TMCC1: variants seen among roughly 807,000 people sequenced by gnomAD.
TMCC1 encodes the protein transmembrane and coiled-coil domains protein 1.
Under a neutral mutation model 52.4 loss-of-function variants are expected in TMCC1, and 15 were observed. The observed-to-expected ratio is 0.29, with a 90% CI of 0.19 to 0.44. The LOEUF (loss-of-function observed/expected upper bound fraction) is 0.44, where lower values mean the gene tolerates loss of function less well. TMCC1 is among the 20% of genes least tolerant of loss of function. TMCC1 has a pLI of 1.00. For missense variants in TMCC1, 503 were observed against 806.0 expected (o/e 0.62, Z 4.55); for synonymous variants, 279 against 301.9 (o/e 0.92, Z 0.79).
intron 4 of TMCC1, among the ~76,000 whole-genome samples, chr3:129,748,409 T>A (rs1405828650): frequency 6.6e-6 from 1 of 152,160 alleles, no homozygotes; most frequent in Non-Finnish European, 1.5e-5. Context: ...TGGCTCAGCC[T>A]CCCAAGTAGC....
chr3:129,751,560 T>C (rs1471825315), intron 4 of TMCC1, among the ~76,000 whole-genome samples: 2 of 146,654 alleles, frequency 1.4e-5, no homozygotes, highest in African/African-American at 2.5e-5. Flanking sequence ...CTAAACACAA[T>C]AGTATCTTTT....
intron 4 of TMCC1, among the ~76,000 whole-genome samples, chr3:129,689,913 C>A (rs906385309): frequency 6.6e-6 from 1 of 152,194 alleles, no homozygotes; most frequent in African/African-American, 2.4e-5. Flanking sequence ...TGAGTAAATA[C>A]GTTTCTACAA....
intron 2 of TMCC1, among the ~76,000 whole-genome samples, chr3:129,871,765 A>G (rs1207848860): frequency 6.6e-6 from 1 of 152,250 alleles, no homozygotes; most frequent in Non-Finnish European, 1.5e-5. Flanking sequence ...TTGAAAAAAG[A>G]AAAAATGTGT....
intron 1 of TMCC1, among the ~76,000 whole-genome samples, chr3:129,892,900 C>A (rs751016317): frequency 6.6e-6 from 1 of 152,192 alleles, no homozygotes; most frequent in South Asian, 2.1e-4. Flanking sequence ...TAACAGGGGG[C>A]ATCCTGAGGC....
At chr3:129,742,739 C>T (rs769018709) in intron 4 of TMCC1, among the ~76,000 whole-genome samples, 3 of 152,022 alleles carry the variant, frequency 2.0e-5, no homozygotes, top group Non-Finnish European at 4.4e-5. Context: ...TTCATACTGT[C>T]CAAAAAGTAG....
At chr3:129,830,078 G>C in intron 3 of TMCC1, among the ~76,000 whole-genome samples, 1 of 152,206 alleles carries the variant, frequency 6.6e-6, no homozygotes, top group East Asian at 1.9e-4. Flanking sequence ...TTAGGCAAAT[G>C]AATAACAACC....
At chr3:129,695,096 C>CAAAAA (rs11291309) in intron 4 of TMCC1, among the ~76,000 whole-genome samples, 1,089 of 35,182 alleles carry the variant, frequency 0.031, 265 homozygotes, top group Non-Finnish European at 0.04. Context: ...GACTCTGTCT[C>CAAAAA]AAAAAAAAAA....
At chr3:129,787,028 C>T (rs1576842794) in intron 4 of TMCC1, among the ~76,000 whole-genome samples, 1 of 152,242 alleles carries the variant, frequency 6.6e-6, no homozygotes, top group East Asian at 1.9e-4. Context: ...AATTAGATTC[C>T]TCCTGGTATA....
At chr3:129,655,146 A>C (rs565015210) in intron 5 of TMCC1, 43 bp from the exon 6 acceptor site, 1 of 1,598,666 alleles carries the variant, frequency 6.3e-7, no homozygotes. Context: ...AATTCTGTGA[A>C]TATCTTTCCT....
rs748162501 is a variant in TMCC1, at chr3:129,747,237, CCT to C, written c.577-75975_577-75974del. Among the ~76,000 whole-genome samples the C allele has an allele frequency of 4.6e-5, 7 of 152,058 alleles. No homozygotes were observed. In the East Asian group the frequency reaches 1.4e-3, roughly 29 times the overall value. On this transcript the variant is annotated intron_variant, in intron 4 of 6. Transcript: ENST00000393238. ...TTCAACATTTTTTGCATCACAAACC[CCT>C]CTGAGAATTTAATGAAAACTATGCA...
intron 4 of TMCC1, among the ~76,000 whole-genome samples, chr3:129,680,792 T>G (rs2108918048): frequency 6.6e-6 from 1 of 152,020 alleles, no homozygotes; most frequent in East Asian, 1.9e-4. Context: ...TCCGAGCTAC[T>G]TGGGAGACTG....
chr3:129,649,079 C>T lies in TMCC1; in HGVS notation c.*2402G>A, dbSNP rs1481150060. 3 of 152,124 alleles carry T rather than the reference C, an allele frequency of 2.0e-5. No homozygotes were observed. The highest frequency in any genetic ancestry group is 1.9e-4 in the East Asian group (1 of 5,194). The allele number at this position is 152,124 out of a possible 1,614,324, so 9.4% of individuals were successfully genotyped here. ...AAACCTTCCTTTGATAGATAGAAACCGTCCCAGGGCAAATAGGAACAGTTT... is the reference window on the plus strand; with the variant it reads ...AAACCTTCCTTTGATAGATAGAAACTGTCCCAGGGCAAATAGGAACAGTTT... On this transcript the variant is annotated 3_prime_UTR_variant, in exon 7 of 7. Coordinates refer to ENST00000393238, the MANE Select transcript of TMCC1 (RefSeq NM_001017395.5).
intron 2 of TMCC1, among the ~76,000 whole-genome samples, chr3:129,845,920 G>A (rs1341195967): frequency 6.6e-6 from 1 of 152,272 alleles, no homozygotes; most frequent in Admixed American, 6.5e-5. Flanking sequence ...TGTGGTCCCA[G>A]CTGCTCAAGA....
At chr3:129,842,031 A>G (rs2059442941) in intron 2 of TMCC1, among the ~76,000 whole-genome samples, 1 of 152,216 alleles carries the variant, frequency 6.6e-6, no homozygotes, top group Non-Finnish European at 1.5e-5. Context: ...AAGAAGACAT[A>G]ACAATTCTAA....
chr3:129,702,638 A>C (rs2047923597), intron 4 of TMCC1, among the ~76,000 whole-genome samples: 1 of 152,172 alleles, frequency 6.6e-6, no homozygotes, highest in African/African-American at 2.4e-5. Flanking sequence ...ATCATTTCCA[A>C]ATCCCAGGTG....
rs575904789 is a variant in TMCC1 at position 129,776,751 on chromosome 3, C to G, written c.576+51052G>C. ...CAAGGGATGCTACTGCCTCAGTCTC[C>G]CAAGTAGCTGGGACTACAGGTGTAG... On this transcript the variant is annotated intron_variant, in intron 4 of 6. Transcript: ENST00000393238. 4.0e-4 allele frequency among the ~76,000 whole-genome samples: 61 copies of G among 152,166 alleles called. 1 individual carries two copies. The highest frequency in any genetic ancestry group is 6.2e-4 in the Non-Finnish European group (42 of 68,024).
chr3:129,885,527 G>C (rs141365111), intron 1 of TMCC1, among the ~76,000 whole-genome samples: 1 of 152,220 alleles, frequency 6.6e-6, no homozygotes, highest in African/African-American at 2.4e-5. Flanking sequence ...AGAGGTTGCA[G>C]TGAGCTGAGA....
In TMCC1 at chr3:129,861,880, T is replaced by C. The variant is rs78206909; in HGVS notation, c.-184+18429A>G. 6.8e-3 allele frequency among the ~76,000 whole-genome samples: 1,037 copies of C among 152,312 alleles called. 11 individuals carry two copies. Among genetic ancestry groups the C allele is most frequent in the African/African-American group, 0.024 (990 of 41,558 alleles). On this transcript the variant is annotated intron_variant, in intron 2 of 6. Coordinates refer to ENST00000393238, the MANE Select transcript of TMCC1 (RefSeq NM_001017395.5). ...AATTCCATTTCTAGGCATATATGTA[T>C]AGTTCACACAAAACCTTGTACATAA...
intron 4 of TMCC1, among the ~76,000 whole-genome samples, chr3:129,824,865 CCAAG>C (rs377212526): frequency 5.3e-5 from 8 of 152,114 alleles, no homozygotes; most frequent in African/African-American, 1.2e-4. Flanking sequence ...TCTGATTCTC[CCAAG>C]CAAACTTCAG....
Sources: allele counts gnomAD v4.1 joint callset (sites outside exome capture counted in the v4.1 genomes callset), GRCh38; gene constraint gnomAD v4.1.1; transcripts MANE v1.5; gene names NCBI Gene and HGNC (gene_info 2026-07-23, HGNC 2026-07-21).